Variants in GSG1L observed in about 807,000 individuals in gnomAD.
The protein encoded by GSG1L is germ cell-specific gene 1-like protein.
A neutral mutation model predicts 42.1 loss-of-function variants in GSG1L; 24 were observed. The ratio of observed to expected loss-of-function variants is 0.57; its 90% CI spans 0.41 to 0.80. The LOEUF (loss-of-function observed/expected upper bound fraction) is 0.80, where lower values mean the gene tolerates loss of function less well. Ranked by LOEUF, GSG1L falls within the 30% of genes least tolerant of loss-of-function variation. The pLI, the probability that GSG1L is intolerant of heterozygous loss-of-function variation, is 0.00. For missense variants in GSG1L, 445 were observed against 472.2 expected (o/e 0.94, Z 0.53); for synonymous variants, 215 against 203.5 (o/e 1.06, Z -0.48).
At chr16:27,838,357 C>A (rs1165873157) in intron 4 of GSG1L, among the ~76,000 whole-genome samples, 1 of 152,214 alleles carries the variant, frequency 6.6e-6, no homozygotes, top group Non-Finnish European at 1.5e-5. Context: ...TCTCACCCCC[C>A]AGGGCCCCAA....
At chr16:27,869,490 CT>C (rs1266884355) in intron 3 of GSG1L, among the ~76,000 whole-genome samples, 1 of 126,794 alleles carries the variant, frequency 7.9e-6, no homozygotes, top group Non-Finnish European at 1.7e-5. Flanking sequence ...TCTCTCTCTC[CT>C]TCTCTCTCTC....
chr16:28,010,003 G>A (rs780906284), intron 1 of GSG1L, among the ~76,000 whole-genome samples: 14 of 151,686 alleles, frequency 9.2e-5, no homozygotes, highest in East Asian at 5.8e-4. Context: ...ACACACACCC[G>A]CAAAACACAC....
intron 6 of GSG1L, 81 bp downstream of exon 6, chr16:27,807,406 C>G: frequency 8.4e-7 from 1 of 1,191,608 alleles, no homozygotes; most frequent in Non-Finnish European, 1.2e-6. Context: ...TGGGGGCTGG[C>G]CTGACTCTTC....
At chr16:27,856,164 C>T (rs1016257142) in intron 3 of GSG1L, among the ~76,000 whole-genome samples, 16 of 152,102 alleles carry the variant, frequency 1.1e-4, no homozygotes, top group East Asian at 3.9e-4. Flanking sequence ...TGCACCCCCC[C>T]CCATCCCCAC....
chr16:27,792,350 G>A (rs1044143280), intron 6 of GSG1L, among the ~76,000 whole-genome samples: 10 of 152,132 alleles, frequency 6.6e-5, no homozygotes, highest in African/African-American at 2.4e-4. Context: ...GGGGGCACCT[G>A]CCACTGTCTA....
intron 2 of GSG1L, among the ~76,000 whole-genome samples, chr16:27,897,204 A>G (rs991725805): frequency 3.3e-5 from 5 of 152,324 alleles, no homozygotes; most frequent in Admixed American, 1.3e-4. Context: ...TCTGACCTCA[A>G]GAACTGTGAG....
intron 3 of GSG1L, among the ~76,000 whole-genome samples, chr16:27,881,613 T>C (rs1016949594): frequency 2.2e-4 from 33 of 152,272 alleles, no homozygotes; most frequent in African/African-American, 6.7e-4. Context: ...AAGTACAGAT[T>C]ACTATTGGTG....
At chr16:28,038,308 G>A (rs2086063920) in intron 1 of GSG1L, among the ~76,000 whole-genome samples, 1 of 152,120 alleles carries the variant, frequency 6.6e-6, no homozygotes, top group African/African-American at 2.4e-5. Flanking sequence ...TAACCCTGCT[G>A]GGGAAAAAGT....
At position 28,008,314 on chromosome 16, in the gene GSG1L, A is replaced by G. The variant is rs896357048; in HGVS notation, c.350-45111T>C. Among the ~76,000 whole-genome samples the G allele has an allele frequency of 1.1e-3, 169 of 152,298 alleles. 3 individuals carry two copies. The highest frequency in any genetic ancestry group is 1.3e-4 in the Non-Finnish European group (9 of 68,024). Reference sequence around the variant, plus strand: ...AGGCTGGTCTCGAATTCCTGACCTCAGGTGATCCACCCGCCTCGGCCTCCC... The same window carrying G: ...AGGCTGGTCTCGAATTCCTGACCTCGGGTGATCCACCCGCCTCGGCCTCCC... On this transcript the variant is annotated intron_variant, in intron 1 of 6. Transcript: ENST00000447459.
chr16:27,915,196 T>TACACAC (rs66820312), intron 2 of GSG1L, among the ~76,000 whole-genome samples: 2,883 of 121,800 alleles, frequency 0.024, 53 homozygotes, highest in East Asian at 0.12. Context: ...CCAGAGGATG[T>TACACAC]ACACACACAC....
intron 5 of GSG1L, among the ~76,000 whole-genome samples, chr16:27,816,416 A>G (rs1425609126): frequency 6.6e-6 from 1 of 152,194 alleles, no homozygotes; most frequent in Non-Finnish European, 1.5e-5. Flanking sequence ...TCAGAGCAGG[A>G]GCTAAGTGTG....
At chr16:27,822,237 G>A (rs1265383704) in intron 5 of GSG1L, among the ~76,000 whole-genome samples, 1 of 152,188 alleles carries the variant, frequency 6.6e-6, no homozygotes. Flanking sequence ...GAGAGGTGAA[G>A]CGAGTTACCT....
intron 4 of GSG1L, among the ~76,000 whole-genome samples, chr16:27,834,187 A>T (rs2083299901): frequency 6.6e-6 from 1 of 152,152 alleles, no homozygotes; most frequent in South Asian, 2.1e-4. Flanking sequence ...TTCTGTATCA[A>T]TTAATATGGT....
intron 3 of GSG1L, among the ~76,000 whole-genome samples, chr16:27,854,068 C>T (rs778999246): frequency 2.1e-4 from 32 of 151,786 alleles, no homozygotes; most frequent in Non-Finnish European, 4.0e-4. Flanking sequence ...TCCAGGTGTT[C>T]CAAGAAAAAG....
chr16:27,853,492 G>T (rs1023374332), intron 3 of GSG1L, among the ~76,000 whole-genome samples: 2 of 152,108 alleles, frequency 1.3e-5, no homozygotes, highest in African/African-American at 4.8e-5. Flanking sequence ...GGGGAGGGGG[G>T]TGAGCCGATT....
chr16:27,877,162 C>T (rs993364105), intron 3 of GSG1L, among the ~76,000 whole-genome samples: 1 of 152,140 alleles, frequency 6.6e-6, no homozygotes, highest in Non-Finnish European at 1.5e-5. Flanking sequence ...CCCTGTCTTC[C>T]CCAATACCTC....
intron 3 of GSG1L, among the ~76,000 whole-genome samples, chr16:27,852,292 C>G (rs991884525): frequency 6.6e-6 from 1 of 152,124 alleles, no homozygotes; most frequent in Non-Finnish European, 1.5e-5. Context: ...AAAGGGAAAC[C>G]CCTGACCTTC....
At chr16:27,923,749 GAAGAAAGAAAGA>G (rs757945227) in intron 2 of GSG1L, among the ~76,000 whole-genome samples, 1 of 138,608 alleles carries the variant, frequency 7.2e-6, no homozygotes, top group African/African-American at 2.7e-5. Context: ...AAAAAAAAAG[GAAGAAAGAAAGA>G]AAGAAAGAAA....
At chr16:27,862,211 G>T (rs6416641) in intron 3 of GSG1L, among the ~76,000 whole-genome samples, 60,559 of 152,026 alleles carry the variant, frequency 0.4, 12,217 homozygotes, top group South Asian at 0.45. Flanking sequence ...CTTGCAAGGA[G>T]CCTGTCCCTC....
Sources: allele counts gnomAD v4.1 joint callset (sites outside exome capture counted in the v4.1 genomes callset), GRCh38; gene constraint gnomAD v4.1.1; transcripts MANE v1.5; gene names NCBI Gene and HGNC (gene_info 2026-07-23, HGNC 2026-07-21).